COL11A2: variants seen among roughly 807,000 people sequenced by gnomAD.
COL11A2 encodes the protein collagen type XI alpha 2 chain, also known as collagen alpha-2(XI) chain.
COL11A2 carries 116 observed loss-of-function variants against 273.4 expected under a neutral mutation model. The observed-to-expected ratio is 0.42, with a 90% confidence interval of 0.36 to 0.49. The LOEUF (loss-of-function observed/expected upper bound fraction) is 0.49. Ranked by LOEUF, COL11A2 falls within the 20% of genes least tolerant of loss-of-function variation. The probability of loss-of-function intolerance (pLI) is 0.00; values close to 1 mark genes in which losing one functional copy is unlikely to be tolerated. For synonymous variants in COL11A2, 782 were observed against 864.2 expected (o/e 0.90, Z 1.67); for missense variants, 1,866 against 2,309.0 (o/e 0.81, Z 3.93).
chr6:33,178,401 T>G lies in COL11A2; in HGVS notation c.1773+34A>C, dbSNP rs1468656844. 6.2e-7 allele frequency: 1 copy of G among 1,612,846 alleles called. No homozygotes were observed. The highest frequency in any genetic ancestry group is 8.5e-7 in the Non-Finnish European group (1 of 1,179,946). ...GCTGCTGTGCCTTCTAGACCTCCCC[T>G]GCACCCAGCCCCTACATTTGCCACT... On this transcript the variant is annotated intron_variant, in intron 19 of 65. Transcript: ENST00000341947. The surrounding 1 kb of genome is among the most constrained non-coding windows in gnomAD (Gnocchi z 4.6).
Position 33,170,236 on chromosome 6 carries a change from C to T in COL11A2, c.3582+90G>A, listed in dbSNP as rs1769833377. ...CCGGGAGTAAGGGCTTCTCTTGGCCCCTGAGACGATACTAGAGTTTATGGT... is the reference window on the plus strand; with the variant it reads ...CCGGGAGTAAGGGCTTCTCTTGGCCTCTGAGACGATACTAGAGTTTATGGT... On this transcript the variant is annotated intron_variant, in intron 48 of 65. Transcript: ENST00000341947. The surrounding 1 kb of genome is among the most constrained non-coding windows in gnomAD (Gnocchi z 4.3). The T allele has an allele frequency of 6.4e-7, 1 of 1,573,536 alleles. No homozygotes were observed. Among genetic ancestry groups the T allele is most frequent in the Non-Finnish European group, 8.7e-7 (1 of 1,147,880 alleles).
chr6:33,176,605 G>T lies in COL11A2; in HGVS notation c.2115+116C>A. The T allele has an allele frequency of 7.2e-7, 1 of 1,384,354 alleles. No homozygotes were observed. The highest frequency in any genetic ancestry group is 1.0e-6 in the Non-Finnish European group (1 of 982,482). 85.8% of individuals were successfully genotyped at this position (1,384,354 alleles called of 1,614,324 possible). On this transcript the variant is annotated intron_variant, in intron 26 of 65. Transcript: ENST00000341947. The surrounding 1 kb of genome is among the most constrained non-coding windows in gnomAD (Gnocchi z 4.9). Reference sequence around the variant, plus strand: ...GTCTGGGTAGGGTTACGGGGCACAGGAATTGAGAATGTGGCAGAGCCATAT... The same window carrying T: ...GTCTGGGTAGGGTTACGGGGCACAGTAATTGAGAATGTGGCAGAGCCATAT...
rs1768720372 is a variant in COL11A2 at position 33,164,048 on chromosome 6, G to A, written c.5070+219C>T. Among the ~76,000 whole-genome samples the A allele has an allele frequency of 6.6e-6, 1 of 152,202 alleles. No homozygotes were observed. Among genetic ancestry groups the A allele is most frequent in the Admixed American group, 6.5e-5 (1 of 15,288 alleles). On this transcript the variant is annotated intron_variant, in intron 65 of 65. Coordinates refer to ENST00000341947, the MANE Select transcript of COL11A2 (RefSeq NM_080680.3). This position sits in a 1 kb window ranked among gnomAD's most constrained non-coding sequence, Gnocchi z 4.7. The stretch of plus-strand genomic sequence containing the variant: ...TCTGTGTACACGTCTGCATTAACCT[G>A]TGTGACGCTGGTGTTTGTACCCAAG...
chr6:33,174,386 G>A (rs1413210409), intron 31 of COL11A2, 141 bp downstream of exon 31: 39 of 1,363,814 alleles, frequency 2.9e-5, no homozygotes, highest in South Asian at 2.3e-4. Context: ...GGCCTCTTTC[G>A]GTCATCTGTA....
Position 33,164,905 on chromosome 6 carries a change from T to C in COL11A2, c.4810A>G (p.Asn1604Asp). The C allele has an allele frequency of 6.3e-7, 1 of 1,580,440 alleles. No individual in the cohort carries two copies. The highest frequency in any genetic ancestry group is 8.6e-7 in the Non-Finnish European group (1 of 1,161,884). Reference protein sequence around the residue: ...CARDAFRVFCNFTAGGETCVT... With the variant: ...CARDAFRVFCDFTAGGETCVT... ...CAGGTCTCACCCCCTGCTGTGAAGTTGCAGAAAACTCGGAAGGCATCCCGA... is the reference window on the plus strand; with the variant it reads ...CAGGTCTCACCCCCTGCTGTGAAGTCGCAGAAAACTCGGAAGGCATCCCGA... The change falls in exon 64 of 66, where the codon AAC (asparagine) becomes GAC (aspartate). Residue 1604 changes from asparagine (N) to aspartate (D), a missense_variant. Transcript: ENST00000341947. This position sits in a 1 kb window ranked among gnomAD's most constrained non-coding sequence, Gnocchi z 4.7.
chr6:33,173,575 G>A lies in COL11A2; in HGVS notation c.2629-20C>T. 2 of 1,047,192 alleles carry A rather than the reference G, an allele frequency of 1.9e-6. No homozygotes were observed. The highest frequency in any genetic ancestry group is 2.6e-4 in the Middle Eastern group (1 of 3,858). 64.9% of individuals were successfully genotyped at this position (1,047,192 alleles called of 1,614,324 possible). On this transcript the variant is annotated intron_variant, in intron 35 of 65. Transcript: ENST00000341947. The surrounding 1 kb of genome is among the most constrained non-coding windows in gnomAD (Gnocchi z 6.3). Reference sequence around the variant, plus strand: ...GAGGCCCTAGAGACAGAGGTGGGGGGAGTCAGGAGAATGGGGGCAGGGGCT... The same window carrying A: ...GAGGCCCTAGAGACAGAGGTGGGGGAAGTCAGGAGAATGGGGGCAGGGGCT...
chr6:33,169,136 C>T lies in COL11A2; in HGVS notation c.3799-128G>A. On this transcript the variant is annotated intron_variant, in intron 51 of 65. Coordinates refer to ENST00000341947, the MANE Select transcript of COL11A2 (RefSeq NM_080680.3). The surrounding 1 kb of genome is among the most constrained non-coding windows in gnomAD (Gnocchi z 5.5). ...CCAGTACCCCCCAGGAAGAGGTCTC[C>T]TGCACCCCTTTCCCTACCACGTGCA... The T allele has an allele frequency of 1.1e-6, 1 of 916,514 alleles. No homozygotes were observed. The highest frequency in any genetic ancestry group is 1.6e-5 in the South Asian group (1 of 60,810). 56.8% of individuals were successfully genotyped at this position (916,514 alleles called of 1,614,324 possible).
At chr6:33,186,940 C>A in intron 4 of COL11A2, 122 bp from the exon 5 acceptor site, 1 of 1,334,712 alleles carries the variant, frequency 7.5e-7, no homozygotes, top group Admixed American at 1.7e-5. Flanking sequence ...AGGTCACTGT[C>A]AGTCCTCCAT....
chr6:33,189,962 T>C lies in COL11A2; in HGVS notation c.83-493A>G, dbSNP rs1237087604. On this transcript the variant is annotated intron_variant, in intron 1 of 65. Transcript: ENST00000341947. This position sits in a 1 kb window ranked among gnomAD's most constrained non-coding sequence, Gnocchi z 5.6. ...TCTCTCACTCTCTGGGTCTCTGGCA[T>C]CTGTCCCGTCTCCAGCACAAACAAC... 6.6e-6 allele frequency among the ~76,000 whole-genome samples: 1 copy of C among 152,166 alleles called. No homozygotes were observed. The highest frequency in any genetic ancestry group is 1.5e-5 in the Non-Finnish European group (1 of 68,034).
chr6:33,178,613 C>G lies in COL11A2; in HGVS notation c.1719+66G>C. The G allele has an allele frequency of 6.2e-7, 1 of 1,607,816 alleles. No individual in the cohort carries two copies. The highest frequency in any genetic ancestry group is 8.5e-7 in the Non-Finnish European group (1 of 1,175,712). The stretch of plus-strand genomic sequence containing the variant: ...CTGCCAAGCCTCCAGCCTCCCTTCC[C>G]TACCTATCCTCACTCCCATAGAAGA... On this transcript the variant is annotated intron_variant, in intron 18 of 65. Transcript: ENST00000341947. This position sits in a 1 kb window ranked among gnomAD's most constrained non-coding sequence, Gnocchi z 4.6.
In COL11A2 at chr6:33,178,281, C is replaced by A; in HGVS notation, c.1818+27G>T. ...CTCCTGGCTTCCCCAGAGCCCCCTC[C>A]CCCAGCACCAGCCCTTGGACACTCA... On this transcript the variant is annotated intron_variant, in intron 20 of 65. Transcript: ENST00000341947. This position sits in a 1 kb window ranked among gnomAD's most constrained non-coding sequence, Gnocchi z 4.6. 1 of 1,612,890 alleles carries A rather than the reference C, an allele frequency of 6.2e-7. No individual in the cohort carries two copies. The highest frequency in any genetic ancestry group is 8.5e-7 in the Non-Finnish European group (1 of 1,179,948).
At position 33,174,509 on chromosome 6, in the gene COL11A2, T is replaced by C. The variant is rs1770630672; in HGVS notation, c.2430+18A>G. 6.2e-7 allele frequency: 1 copy of C among 1,612,072 alleles called. No individual in the cohort carries two copies. The highest frequency in any genetic ancestry group is 1.3e-5 in the African/African-American group (1 of 74,844). On this transcript the variant is annotated intron_variant, in intron 31 of 65. Transcript: ENST00000341947. The stretch of plus-strand genomic sequence containing the variant: ...AGGAGGGAAGAGGAGGAGGGGCACG[T>C]ATGGGGCATGGCATCACCTTGGGTC...
chr6:33,191,161 C>T (rs1011258052), intron 1 of COL11A2, among the ~76,000 whole-genome samples: 1 of 152,218 alleles, frequency 6.6e-6, no homozygotes, highest in Non-Finnish European at 1.5e-5. Context: ...AAGAAAGACT[C>T]CTAGAGTCTA....
chr6:33,179,062 G>A lies in COL11A2; in HGVS notation c.1611+11C>T. On this transcript the variant is annotated intron_variant, in intron 16 of 65. Coordinates refer to ENST00000341947, the MANE Select transcript of COL11A2 (RefSeq NM_080680.3). This position sits in a 1 kb window ranked among gnomAD's most constrained non-coding sequence, Gnocchi z 6.4. ...CTCCCCACAACACCCATCCACCCCTGGGGCACTCACCCTTCGCCCAGCCTT... is the reference window on the plus strand; with the variant it reads ...CTCCCCACAACACCCATCCACCCCTAGGGCACTCACCCTTCGCCCAGCCTT... The A allele has an allele frequency of 7.4e-6, 12 of 1,613,966 alleles. No homozygotes were observed. The highest frequency in any genetic ancestry group is 1.0e-5 in the Non-Finnish European group (12 of 1,179,884).
Position 33,188,460 on chromosome 6 carries a change from G to A in COL11A2, c.508C>T (p.Arg170Ter), listed in dbSNP as rs1772690053. ...SVTLIVDCKKRVTRPLPRSAR... is the reference protein window; with the variant it reads ...SVTLIVDCKK ...CTTCGGGGGAGAGGCCGGGTGACTC[G>A]CTTCTTGCAGTCAACAATGAGGGTG... The change falls in exon 4 of 66, where the codon CGA becomes TGA. Residue 170 changes from arginine (R) to a stop codon, truncating the protein, a stop_gained. Coordinates refer to ENST00000341947, the MANE Select transcript of COL11A2 (RefSeq NM_080680.3). LOFTEE classifies it high-confidence loss of function. 2.5e-6 allele frequency: 4 copies of A among 1,612,994 alleles called. No homozygotes were observed. Among genetic ancestry groups the A allele is most frequent in the Non-Finnish European group, 3.4e-6 (4 of 1,180,020 alleles).
At position 33,169,307 on chromosome 6, in the gene COL11A2, C is replaced by A; in HGVS notation, c.3798+76G>T. Reference sequence around the variant, plus strand: ...GGCTCCCCACACTCCAAGATCCTCCCTCACACACACCCATATTCCCAGGTC... The same window carrying A: ...GGCTCCCCACACTCCAAGATCCTCCATCACACACACCCATATTCCCAGGTC... On this transcript the variant is annotated intron_variant, in intron 51 of 65. Transcript: ENST00000341947. This position sits in a 1 kb window ranked among gnomAD's most constrained non-coding sequence, Gnocchi z 5.5. 1 of 1,361,938 alleles carries A rather than the reference C, an allele frequency of 7.3e-7. No individual in the cohort carries two copies. The highest frequency in any genetic ancestry group is 1.0e-6 in the Non-Finnish European group (1 of 968,412). The allele number at this position is 1,361,938 out of a possible 1,614,324, so 84.4% of individuals were successfully genotyped here. A position where few individuals can be genotyped will look rare whatever the true frequency, so the allele number is the denominator to read the frequency against.
chr6:33,172,136 T>A (rs1770181667), intron 40 of COL11A2, 33 bp from the exon 41 acceptor site: 1 of 1,610,754 alleles, frequency 6.2e-7, no homozygotes, highest in Non-Finnish European at 8.5e-7. Flanking sequence ...AGATGAGACT[T>A]CACGAAAAGA....
intron 4 of COL11A2, among the ~76,000 whole-genome samples, chr6:33,187,938 T>C (rs900713790): frequency 6.6e-6 from 1 of 151,768 alleles, no homozygotes; most frequent in Non-Finnish European, 1.5e-5. Flanking sequence ...GGGAGAGTGG[T>C]TAAGCAGGGG....
chr6:33,173,749 TG>T lies in COL11A2; in HGVS notation c.2584-5del, dbSNP rs555657704. 2,301 of 1,594,094 alleles carry T rather than the reference TG, an allele frequency of 1.4e-3. 5 individuals carry two copies. The highest frequency in any genetic ancestry group is 2.5e-3 in the Middle Eastern group (15 of 5,976). On this transcript the variant is annotated splice_region_variant and splice_polypyrimidine_tract_variant and intron_variant, in intron 34 of 65. Coordinates refer to ENST00000341947, the MANE Select transcript of COL11A2 (RefSeq NM_080680.3). This position sits in a 1 kb window ranked among gnomAD's most constrained non-coding sequence, Gnocchi z 6.3. ...GGCCATCACCACCAGATGTTCCCTG[TG>T]GGGGGAAACAGAGTCAAGGAGTGGG... is the stretch of plus-strand genomic sequence containing the variant.
Sources: allele counts gnomAD v4.1 joint callset (sites outside exome capture counted in the v4.1 genomes callset), GRCh38; gene constraint gnomAD v4.1.1; non-coding constraint Gnocchi (gnomAD v3.1); transcripts MANE v1.5; gene names NCBI Gene and HGNC (gene_info 2026-07-23, HGNC 2026-07-21).